The following KDM4A variants were observed in gnomAD, a reference collection of about 807,000 sequenced individuals.
KDM4A encodes the protein lysine-specific demethylase 4A.
In KDM4A, 23 loss-of-function variants were observed where a neutral mutation model predicts 127.1. The ratio of observed to expected loss-of-function variants is 0.18; its 90% confidence interval spans 0.13 to 0.26. The LOEUF (loss-of-function observed/expected upper bound fraction) is 0.26. KDM4A is among the 10% of genes least tolerant of loss of function. The pLI, the probability that KDM4A is intolerant of heterozygous loss-of-function variation, is 1.00. For missense variants in KDM4A, 890 were observed against 1,329.1 expected (o/e 0.67, Z 5.14); for synonymous variants, 443 against 466.5 (o/e 0.95, Z 0.65).
chr1:43,669,429 G>A, intron 10 of KDM4A, 130 bp downstream of exon 10: 1 of 925,928 alleles, frequency 1.1e-6, no homozygotes, highest in African/African-American at 1.6e-5. Context: ...AGCATACTTG[G>A]AGTGTGAGAA....
intron 12 of KDM4A, among the ~76,000 whole-genome samples, chr1:43,687,153 G>A (rs1250970371): frequency 2.0e-5 from 3 of 152,172 alleles, no homozygotes; most frequent in Non-Finnish European, 4.4e-5. Flanking sequence ...ACAACTGAAC[G>A]ATGGGGCATA....
intron 19 of KDM4A, chr1:43,703,310 C>G (rs965708362): frequency 4.1e-6 from 1 of 246,712 alleles, no homozygotes; most frequent in African/African-American, 2.3e-5. Context: ...CTGGAGAACC[C>G]GCAGGGGAAC....
Position 43,694,209 on chromosome 1 carries a change from A to T in KDM4A, c.2484+107A>T, listed in dbSNP as rs544271119. ...GTTTTGGTTAGAGTTTGTGATTCTC[A>T]CTCTGTGGTTAGATTCCTTAGTGGA... On this transcript the variant is annotated intron_variant, in intron 17 of 21. Coordinates refer to ENST00000372396, the MANE Select transcript of KDM4A (RefSeq NM_014663.3). This position sits in a 1 kb window ranked among gnomAD's most constrained non-coding sequence, Gnocchi z 5.2. The T allele has an allele frequency of 3.4e-5, 29 of 857,096 alleles. 1 individual carries two copies. In the South Asian group the frequency reaches 4.4e-4, roughly 13 times the overall value. The allele number at this position is 857,096 out of a possible 1,614,324, so 53.1% of individuals were successfully genotyped here.
At chr1:43,699,753 G>C (rs900918921) in intron 19 of KDM4A, 2 of 126,398 alleles carry the variant, frequency 1.6e-5, no homozygotes, top group African/African-American at 6.1e-5. Context: ...ATGGAGTCTT[G>C]CTCTGTTGCC....
At chr1:43,666,299 T>C (rs1432050748) in intron 6 of KDM4A, 153 bp from the exon 7 acceptor site, 5 of 627,132 alleles carry the variant, frequency 8.0e-6, no homozygotes, top group African/African-American at 1.8e-5. Context: ...TGCAGAATCT[T>C]AGAATTGGTG....
chr1:43,699,646 TTA>T (rs1485202680), intron 19 of KDM4A: 1 of 152,220 alleles, frequency 6.6e-6, no homozygotes. Flanking sequence ...ATCAATTTTT[TTA>T]GATTAAAAAT....
At chr1:43,667,677 A>G in intron 8 of KDM4A, 95 bp from the exon 9 acceptor site, 2 of 1,507,244 alleles carry the variant, frequency 1.3e-6, no homozygotes, top group Non-Finnish European at 9.1e-7. Flanking sequence ...ACCATCTTGC[A>G]CTTGTTTCCA....
At chr1:43,691,328 T>G (rs1294782921) in intron 14 of KDM4A, among the ~76,000 whole-genome samples, 168 bp from the exon 15 acceptor site, 3 of 152,228 alleles carry the variant, frequency 2.0e-5, no homozygotes, top group African/African-American at 7.2e-5. Flanking sequence ...TTTGAGACTT[T>G]GAGCCATACT....
chr1:43,670,292 C>T (rs1173514887), intron 10 of KDM4A, among the ~76,000 whole-genome samples: 1 of 152,164 alleles, frequency 6.6e-6, no homozygotes, highest in African/African-American at 2.4e-5. Flanking sequence ...TGGACTGACA[C>T]CCTGGGCTGG....
chr1:43,672,617 C>T (rs1187199564), intron 11 of KDM4A, among the ~76,000 whole-genome samples: 2 of 152,088 alleles, frequency 1.3e-5, no homozygotes, highest in African/African-American at 4.8e-5. Flanking sequence ...GCCTCAGCCT[C>T]CCGAGTAGCT....
intron 6 of KDM4A, among the ~76,000 whole-genome samples, 184 bp downstream of exon 6, chr1:43,665,929 A>T (rs547653477): frequency 1.3e-5 from 2 of 152,086 alleles, no homozygotes; most frequent in Non-Finnish European, 2.9e-5. Flanking sequence ...CTTTGTCCTG[A>T]CTGTCTGTGC....
At chr1:43,666,325 C>T in intron 6 of KDM4A, 127 bp from the exon 7 acceptor site, 1 of 714,894 alleles carries the variant, frequency 1.4e-6, no homozygotes, top group South Asian at 1.8e-5. Context: ...CTATAAGGAT[C>T]CTCAGAGGTC....
chr1:43,655,104 C>T (rs1255606037), intron 2 of KDM4A, among the ~76,000 whole-genome samples: 1 of 152,190 alleles, frequency 6.6e-6, no homozygotes, highest in Non-Finnish European at 1.5e-5. Context: ...CCTGCCTCGG[C>T]CTCCCAAAGT....
intron 19 of KDM4A, among the ~76,000 whole-genome samples, chr1:43,698,936 G>GCA (rs1230464670): frequency 6.6e-6 from 1 of 151,378 alleles, no homozygotes; most frequent in Non-Finnish European, 1.5e-5. Flanking sequence ...CTACAGGAAC[G>GCA]CACCACCACA....
chr1:43,669,383 A>T, intron 10 of KDM4A, 84 bp downstream of exon 10: 1 of 1,374,644 alleles, frequency 7.3e-7, no homozygotes. Context: ...CTGGGTCAGA[A>T]ATAAAAAAGG....
chr1:43,686,151 G>GTTTTTTTTTTT (rs35512755), intron 12 of KDM4A, among the ~76,000 whole-genome samples: 2 of 97,904 alleles, frequency 2.0e-5, no homozygotes, highest in African/African-American at 4.0e-5. Flanking sequence ...TTTGTTTCTT[G>GTTTTTTTTTTT]TTTTTTTTTT....
At chr1:43,675,449 A>G (rs555687461) in intron 11 of KDM4A, among the ~76,000 whole-genome samples, 128 of 152,368 alleles carry the variant, frequency 8.4e-4, no homozygotes, top group African/African-American at 2.9e-3. Flanking sequence ...GAAACAGTTT[A>G]GGCCTGAGGT....
rs535061400 is a variant in KDM4A, at chr1:43,692,356, G to A, written c.2375+45G>A. ...CCTTGGAATGCACAGGCTCAGTTCC[G>A]AAGCACACAGTGTCTTTGTGAGGGT... On this transcript the variant is annotated intron_variant, in intron 16 of 21. Coordinates refer to ENST00000372396, the MANE Select transcript of KDM4A (RefSeq NM_014663.3). The A allele has an allele frequency of 7.9e-6, 12 of 1,517,144 alleles. No individual in the cohort carries two copies. The East Asian group carries it at 9.0e-5, about 11-fold the overall frequency. 94.0% of individuals were successfully genotyped at this position (1,517,144 alleles called of 1,614,324 possible).
At position 43,694,515 on chromosome 1, in the gene KDM4A, CAAAA is replaced by C. The variant is rs35419389; in HGVS notation, c.2485-178_2485-175del. On this transcript the variant is annotated intron_variant, in intron 17 of 21. Coordinates refer to ENST00000372396, the MANE Select transcript of KDM4A (RefSeq NM_014663.3). The surrounding 1 kb of genome is among the most constrained non-coding windows in gnomAD (Gnocchi z 5.2). ...TGGGTGACAGAGCAAGACTCCGTCTCAAAAAAAAAAAAAAAAAAATTTCCTTGGC... is the reference window on the plus strand; with the variant it reads ...TGGGTGACAGAGCAAGACTCCGTCTCAAAAAAAAAAAAAAATTTCCTTGGC... Among the ~76,000 whole-genome samples, 3 of 107,326 alleles carry C rather than the reference CAAAA, an allele frequency of 2.8e-5. No homozygotes were observed. Among genetic ancestry groups the C allele is most frequent in the African/African-American group, 3.5e-5 (1 of 28,730 alleles). 70.4% of individuals were successfully genotyped at this position (107,326 alleles called of 152,430 possible). A position where few individuals can be genotyped will look rare whatever the true frequency, so the allele number is the denominator to read the frequency against.
Sources: gnomAD v4.1 joint callset for allele counts (sites outside exome capture counted in the v4.1 genomes callset) on GRCh38, gnomAD v4.1.1 for gene constraint, Gnocchi (gnomAD v3.1) non-coding constraint, MANE v1.5 for transcripts, NCBI Gene and HGNC (gene_info 2026-07-23, HGNC 2026-07-21) for gene names.